The following ZNF438 variants were observed in gnomAD, a reference collection of about 807,000 sequenced individuals.
ZNF438 encodes the protein zinc finger protein 438.
Under a neutral mutation model 38.0 loss-of-function variants are expected in ZNF438, and 25 were observed. The ratio of observed to expected loss-of-function variants is 0.66; its 90% confidence interval spans 0.48 to 0.92. The LOEUF (loss-of-function observed/expected upper bound fraction) is 0.92, where lower values mean the gene tolerates loss of function less well. Ranked by LOEUF, ZNF438 falls within the 40% of genes least tolerant of loss-of-function variation. The pLI is 0.00. For missense variants in ZNF438, 1,007 were observed against 999.6 expected (o/e 1.01, Z -0.10); for synonymous variants, 372 against 364.1 (o/e 1.02, Z -0.25).
At chr10:30,950,594 C>T (rs2048054185) in intron 1 of ZNF438, among the ~76,000 whole-genome samples, 1 of 151,234 alleles carries the variant, frequency 6.6e-6, no homozygotes, top group Non-Finnish European at 1.5e-5. Context: ...GAAATACAAA[C>T]TACCATCAGA....
intron 1 of ZNF438, among the ~76,000 whole-genome samples, chr10:30,958,685 T>C (rs887724799): frequency 6.8e-6 from 1 of 146,930 alleles, no homozygotes; most frequent in Admixed American, 6.9e-5. Context: ...TTTTCCATTA[T>C]CTCTCCCAAT....
Position 30,944,339 on chromosome 10 carries a change from G to C in ZNF438, c.-191-2688C>G, listed in dbSNP as rs189503957. Among the ~76,000 whole-genome samples the C allele has an allele frequency of 2.5e-3, 379 of 152,294 alleles. 1 individual carries two copies. Among genetic ancestry groups the C allele is most frequent in the African/African-American group, 8.6e-3 (356 of 41,578 alleles). On this transcript the variant is annotated intron_variant, in intron 1 of 5. Transcript: ENST00000413025. The stretch of plus-strand genomic sequence containing the variant: ...AAAGCTAGGTGTACTCTTTTACCTA[G>C]TTTCTCTATAAACAAAACTGACATT...
At chr10:30,991,107 C>A (rs1360685621) in intron 1 of ZNF438, among the ~76,000 whole-genome samples, 2 of 152,226 alleles carry the variant, frequency 1.3e-5, no homozygotes, top group Non-Finnish European at 2.9e-5. Context: ...CACCTTACCT[C>A]CCCTGCACCT....
intron 2 of ZNF438, among the ~76,000 whole-genome samples, chr10:30,918,162 G>A (rs1450244131): frequency 6.6e-6 from 1 of 152,022 alleles, no homozygotes; most frequent in African/African-American, 2.4e-5. Context: ...TTATCCTTAT[G>A]GCAGCACCAT....
At chr10:30,930,537 G>A (rs1026775776) in intron 2 of ZNF438, among the ~76,000 whole-genome samples, 1 of 151,966 alleles carries the variant, frequency 6.6e-6, no homozygotes, top group East Asian at 1.9e-4. Flanking sequence ...CAGAGTGGAC[G>A]CCATGGCCTG....
intron 1 of ZNF438, among the ~76,000 whole-genome samples, chr10:30,969,679 A>G (rs2050530632): frequency 6.6e-6 from 1 of 152,186 alleles, no homozygotes; most frequent in African/African-American, 2.4e-5. Flanking sequence ...TCAGCTGAAA[A>G]TGAGAGCTTA....
intron 1 of ZNF438, among the ~76,000 whole-genome samples, chr10:30,950,180 A>C (rs1350672201): frequency 6.6e-6 from 1 of 151,342 alleles, no homozygotes; most frequent in Non-Finnish European, 1.5e-5. Context: ...GGCAGAAATA[A>C]AGATGTTCTT....
chr10:31,014,709 A>C (rs1200628847), intron 1 of ZNF438, among the ~76,000 whole-genome samples: 1 of 152,188 alleles, frequency 6.6e-6, no homozygotes, highest in East Asian at 1.9e-4. Context: ...TCTACAAAAC[A>C]TGAGCAACAG....
At chr10:30,881,775 A>C (rs1769435799) in intron 3 of ZNF438, among the ~76,000 whole-genome samples, 1 of 152,148 alleles carries the variant, frequency 6.6e-6, no homozygotes, top group Non-Finnish European at 1.5e-5. Context: ...CCATAAATAA[A>C]TCTACACAGA....
At chr10:30,929,673 T>C (rs2045400929) in intron 2 of ZNF438, among the ~76,000 whole-genome samples, 1 of 152,198 alleles carries the variant, frequency 6.6e-6, no homozygotes, top group Admixed American at 6.5e-5. Flanking sequence ...ATCCTGATGA[T>C]TGGTCCATTT....
chr10:30,976,204 C>CTGAA (rs2051325165), intron 1 of ZNF438, among the ~76,000 whole-genome samples: 1 of 151,956 alleles, frequency 6.6e-6, no homozygotes. Context: ...AAACAAAAAG[C>CTGAA]TGAAAAGATC....
intron 2 of ZNF438, among the ~76,000 whole-genome samples, chr10:30,931,286 A>G (rs750698740): frequency 6.6e-6 from 1 of 152,214 alleles, no homozygotes; most frequent in Non-Finnish European, 1.5e-5. Context: ...AAGGAGTCCA[A>G]ATGAGATCAT....
intron 1 of ZNF438, among the ~76,000 whole-genome samples, chr10:30,967,701 T>C (rs780967505): frequency 6.6e-6 from 1 of 152,208 alleles, no homozygotes; most frequent in Non-Finnish European, 1.5e-5. Flanking sequence ...GAATGAATAT[T>C]TAGCCTATCT....
chr10:30,877,338 T>C (rs1284237833), intron 3 of ZNF438, among the ~76,000 whole-genome samples: 1 of 152,224 alleles, frequency 6.6e-6, no homozygotes, highest in African/African-American at 2.4e-5. Flanking sequence ...TGGGGTCATG[T>C]GTAAGTAGGC....
intron 1 of ZNF438, among the ~76,000 whole-genome samples, chr10:31,002,402 T>A (rs565423060): frequency 6.6e-6 from 1 of 152,222 alleles, no homozygotes; most frequent in Non-Finnish European, 1.5e-5. Context: ...CAGTGTGTTG[T>A]GTGATTTTTT....
chr10:31,008,051 G>A (rs902407431), intron 1 of ZNF438, among the ~76,000 whole-genome samples: 2 of 152,200 alleles, frequency 1.3e-5, no homozygotes, highest in South Asian at 2.1e-4. Context: ...AGTAGACAAA[G>A]CAGTTTTCAT....
chr10:30,890,875 C>A (rs2040596873), intron 3 of ZNF438, among the ~76,000 whole-genome samples: 1 of 152,158 alleles, frequency 6.6e-6, no homozygotes, highest in Non-Finnish European at 1.5e-5. Flanking sequence ...CAACTGATGT[C>A]CCACAATGGA....
At position 30,951,574 on chromosome 10, in the gene ZNF438, C is replaced by T. The variant is rs530107509; in HGVS notation, c.-191-9923G>A. Among the ~76,000 whole-genome samples, 16 of 152,198 alleles carry T rather than the reference C, an allele frequency of 1.1e-4. No individual in the cohort carries two copies. In the East Asian group the frequency reaches 2.9e-3, roughly 28 times the overall value. On this transcript the variant is annotated intron_variant, in intron 1 of 5. Coordinates refer to ENST00000413025, the Ensembl canonical transcript of ZNF438. ...AGTCTCAGGATACAAAATCAATGTA[C>T]AAAAATCACAAGCATTCTTATATAC...
chr10:30,979,752 G>A (rs764805123), intron 1 of ZNF438, among the ~76,000 whole-genome samples: 59 of 152,102 alleles, frequency 3.9e-4, no homozygotes, highest in Non-Finnish European at 8.2e-4. Flanking sequence ...ATTATTGTGT[G>A]GGAGTCTAAG....
Sources: allele counts gnomAD v4.1 joint callset (sites outside exome capture counted in the v4.1 genomes callset), GRCh38; gene constraint gnomAD v4.1.1; transcripts MANE v1.5; gene names NCBI Gene and HGNC (gene_info 2026-07-23, HGNC 2026-07-21).